TRPM3: variants seen among roughly 807,000 people sequenced by gnomAD.
TRPM3 encodes long transient receptor potential channel 3.
In TRPM3, 77 loss-of-function variants were observed where a neutral mutation model predicts 181.2. That is an observed-to-expected ratio of 0.42 (90% CI 0.35 to 0.51). TRPM3 has a LOEUF of 0.51. Among genes scored for constraint, TRPM3 ranks in the 20% least tolerant of loss-of-function variants. The pLI is 0.01. For missense variants in TRPM3, 1,759 were observed against 2,196.7 expected, an observed-to-expected ratio of 0.80 and a Z score of 3.98; for synonymous variants, 745 against 796.4, an observed-to-expected ratio of 0.94 and a Z score of 1.09.
At chr9:71,139,164 T>C (rs2074949933) in intron 1 of TRPM3, among the ~76,000 whole-genome samples, 1 of 152,202 alleles carries the variant, frequency 6.6e-6, no homozygotes, top group African/African-American at 2.4e-5. Flanking sequence ...CTCACCACAA[T>C]TCATGTTGTA....
At chr9:70,631,774 C>G (rs1164308984) in intron 12 of TRPM3, among the ~76,000 whole-genome samples, 1 of 152,128 alleles carries the variant, frequency 6.6e-6, no homozygotes, top group Non-Finnish European at 1.5e-5. Context: ...AGATTGTTCC[C>G]TTGATATAAA....
intron 9 of TRPM3, among the ~76,000 whole-genome samples, chr9:70,668,672 G>GAAAAAAAAAAAAA (rs57929544): frequency 2.5e-4 from 22 of 86,494 alleles, no homozygotes; most frequent in Non-Finnish European, 3.2e-4. Context: ...CTCAAAAAAA[G>GAAAAAAAAAAAAA]AAAAAAAAAA....
At chr9:71,345,438 C>T (rs375399658) in intron 1 of TRPM3, among the ~76,000 whole-genome samples, 9 of 152,150 alleles carry the variant, frequency 5.9e-5, no homozygotes, top group East Asian at 1.9e-4. Context: ...ATGTCCTTTG[C>T]GGGGACATGG....
intron 1 of TRPM3, among the ~76,000 whole-genome samples, chr9:71,043,037 A>C (rs1353204739): frequency 1.3e-5 from 2 of 152,248 alleles, no homozygotes; most frequent in African/African-American, 4.8e-5. Context: ...GAAAGCAGTC[A>C]CACTATTTCT....
At chr9:70,888,718 T>G (rs1027255119) in intron 1 of TRPM3, among the ~76,000 whole-genome samples, 1 of 152,150 alleles carries the variant, frequency 6.6e-6, no homozygotes, top group Admixed American at 6.6e-5. Flanking sequence ...CCTACTTGAC[T>G]CCTGGGCCTA....
intron 6 of TRPM3, among the ~76,000 whole-genome samples, chr9:70,821,072 T>C (rs2093125530): frequency 6.6e-6 from 1 of 152,230 alleles, no homozygotes; most frequent in Admixed American, 6.5e-5. Context: ...GTTAAATCTT[T>C]AAGATAAATT....
intron 1 of TRPM3, among the ~76,000 whole-genome samples, chr9:71,088,054 G>C (rs954900958): frequency 3.9e-5 from 6 of 151,950 alleles, no homozygotes; most frequent in Admixed American, 3.9e-4. Context: ...ATTGGGCTAG[G>C]TGCTAGAAAT....
chr9:71,446,621 G>C, intron 1 of TRPM3: 1 of 1,543,006 alleles, frequency 6.5e-7, no homozygotes, highest in Non-Finnish European at 8.8e-7. Flanking sequence ...AGAAAAGAAA[G>C]CAAAGACTGG....
At chr9:71,001,146 C>T (rs1429160182) in intron 1 of TRPM3, among the ~76,000 whole-genome samples, 1 of 152,156 alleles carries the variant, frequency 6.6e-6, no homozygotes, top group Non-Finnish European at 1.5e-5. Context: ...TTTTAATGCT[C>T]TTTGAACCCA....
chr9:70,774,393 A>G lies in TRPM3; in HGVS notation c.1148+9712T>C, dbSNP rs78984213. The G allele has an allele frequency of 1.4e-3, 209 of 152,316 alleles. 1 individual carries two copies. In the East Asian group the frequency reaches 0.037, roughly 27 times the overall value. The allele number at this position is 152,316 out of a possible 1,614,324, so 9.4% of individuals were successfully genotyped here. A position where few individuals can be genotyped will look rare whatever the true frequency, so the allele number is the denominator to read the frequency against. On this transcript the variant is annotated intron_variant, in intron 7 of 25. Coordinates refer to ENST00000677713, the MANE Select transcript of TRPM3 (RefSeq NM_001366145.2). The stretch of plus-strand genomic sequence containing the variant: ...TCTTTTCTCTAGCTTACTTTATTGT[A>G]AAAATATATTATACATGTAACATAC...
intron 1 of TRPM3, among the ~76,000 whole-genome samples, chr9:70,922,703 G>A (rs2096670230): frequency 6.6e-6 from 1 of 152,018 alleles, no homozygotes; most frequent in African/African-American, 2.4e-5. Context: ...TACTCCACTG[G>A]TAAGAAAATT....
At chr9:71,119,266 T>C (rs1056085156) in intron 1 of TRPM3, among the ~76,000 whole-genome samples, 4 of 152,122 alleles carry the variant, frequency 2.6e-5, no homozygotes, top group East Asian at 1.9e-4. Context: ...CTTTTAGATA[T>C]TGAAAAAATG....
At chr9:71,232,293 C>G (rs768697152) in intron 1 of TRPM3, among the ~76,000 whole-genome samples, 2 of 152,080 alleles carry the variant, frequency 1.3e-5, no homozygotes, top group African/African-American at 4.8e-5. Context: ...TCTTAAAAAC[C>G]TGCCAAGGCC....
intron 1 of TRPM3, among the ~76,000 whole-genome samples, chr9:70,942,291 A>G (rs1463518542): frequency 6.6e-6 from 1 of 152,206 alleles, no homozygotes. Context: ...ATACCTGCAA[A>G]CACACACCGT....
chr9:71,251,776 C>T (rs1488898827), intron 1 of TRPM3, among the ~76,000 whole-genome samples: 2 of 152,104 alleles, frequency 1.3e-5, no homozygotes, highest in Non-Finnish European at 2.9e-5. Flanking sequence ...TATAATCACC[C>T]TGTTGTGCTA....
chr9:70,954,627 GA>G (rs2097046063), intron 1 of TRPM3, among the ~76,000 whole-genome samples: 1 of 152,060 alleles, frequency 6.6e-6, no homozygotes, highest in South Asian at 2.1e-4. Flanking sequence ...TATGACAGTA[GA>G]AGAATAAAAT....
chr9:70,682,519 C>T (rs566111532), intron 8 of TRPM3, among the ~76,000 whole-genome samples: 12 of 151,986 alleles, frequency 7.9e-5, no homozygotes, highest in South Asian at 2.1e-4. Flanking sequence ...CTTTGTATTT[C>T]ACCCTAGAAC....
At chr9:71,167,294 T>G (rs914627966) in intron 1 of TRPM3, among the ~76,000 whole-genome samples, 3 of 152,208 alleles carry the variant, frequency 2.0e-5, no homozygotes, top group African/African-American at 7.2e-5. Flanking sequence ...CCTTATGTGA[T>G]TTTCCTCAAG....
chr9:71,386,449 T>C (rs541533179), intron 1 of TRPM3, among the ~76,000 whole-genome samples: 21 of 149,696 alleles, frequency 1.4e-4, no homozygotes, highest in African/African-American at 5.2e-4. Context: ...CTCTGTCTTT[T>C]GAAAAAAAAA....
Sources: gnomAD v4.1 joint callset for allele counts (sites outside exome capture counted in the v4.1 genomes callset) on GRCh38, gnomAD v4.1.1 for gene constraint, MANE v1.5 for transcripts, NCBI Gene and HGNC (gene_info 2026-07-23, HGNC 2026-07-21) for gene names.